The following TNS1 variants were observed in gnomAD, a reference collection of about 807,000 sequenced individuals.
TNS1 encodes the protein tensin 1.
TNS1 carries 62 observed loss-of-function variants against 168.6 expected under a neutral mutation model. That is an observed-to-expected ratio of 0.37 (90% confidence interval 0.30 to 0.45). TNS1 has a LOEUF of 0.45. TNS1 is among the 20% of genes least tolerant of loss of function. The pLI is 1.00. For synonymous variants in TNS1, 934 were observed against 933.2 expected (o/e 1.00, Z -0.02); for missense variants, 2,240 against 2,339.4 (o/e 0.96, Z 0.88).
At chr2:217,983,530 C>A (rs1298774227) in intron 2 of TNS1, among the ~76,000 whole-genome samples, 1 of 152,172 alleles carries the variant, frequency 6.6e-6, no homozygotes, top group African/African-American at 2.4e-5. Context: ...ACCCCCAGCC[C>A]TTGGCCCCAG....
chr2:217,878,882 G>C (rs1398362411), intron 18 of TNS1, among the ~76,000 whole-genome samples: 1 of 152,240 alleles, frequency 6.6e-6, no homozygotes, highest in Non-Finnish European at 1.5e-5. Context: ...CAGAGGGTTG[G>C]TGAGGGAAGG....
At position 217,801,881 on chromosome 2, in the gene TNS1, G is replaced by C. The variant is rs1392260482; in HGVS notation, c.*2578C>G. 6.6e-6 allele frequency: 1 copy of C among 152,226 alleles called. No homozygotes were observed. The highest frequency in any genetic ancestry group is 1.5e-5 in the Non-Finnish European group (1 of 68,060). 9.4% of individuals were successfully genotyped at this position (152,226 alleles called of 1,614,324 possible). On this transcript the variant is annotated 3_prime_UTR_variant, in exon 33 of 33. Coordinates refer to ENST00000682258, the MANE Select transcript of TNS1 (RefSeq NM_001387777.1). ...GCTGGGAGGGAGTTACCAGCTTTCT[G>C]GCATGAATGGGTCCTCCCGCAGGGG...
In TNS1 at chr2:217,848,647, C is replaced by T; in HGVS notation, c.1870G>A (p.Asp624Asn). The T allele has an allele frequency of 3.1e-6, 5 of 1,614,240 alleles. No homozygotes were observed. The highest frequency in any genetic ancestry group is 4.2e-6 in the Non-Finnish European group (5 of 1,180,042). ...GGALASERET[D>N]ILDDELPNQD... is the part of the protein sequence containing the mutation. Reference sequence around the variant, plus strand: ...TTTGGCAATTCATCGTCCAGGATGTCTGTCTCCCGCTCAGATGCTAACGCC... The same window carrying T: ...TTTGGCAATTCATCGTCCAGGATGTTTGTCTCCCGCTCAGATGCTAACGCC... Residue 624 changes from aspartate (D) to asparagine (N), a missense_variant, in exon 19 of 33, where the codon GAC (aspartate) becomes AAC (asparagine). Physicochemically the swap from Asp to Asn is conservative, Grantham distance 23. Around this residue, in one of 2 missense-constraint regions of TNS1, gnomAD observed 2,131 missense variants for 2,171.2 expected, o/e 0.98. Coordinates refer to ENST00000682258, the MANE Select transcript of TNS1 (RefSeq NM_001387777.1).
rs1941561578 is a variant in TNS1, at chr2:217,814,562, C to T, written c.4729+350G>A. ...CCAGCCTTCCCCTGAGAATCATTCCCCTATTCCCAACTTTGTTCTCTCTCC... is the reference window on the plus strand; with the variant it reads ...CCAGCCTTCCCCTGAGAATCATTCCTCTATTCCCAACTTTGTTCTCTCTCC... On this transcript the variant is annotated intron_variant, in intron 25 of 32. Transcript: ENST00000682258. Among the ~76,000 whole-genome samples, 3 of 152,214 alleles carry T rather than the reference C, an allele frequency of 2.0e-5. No individual in the cohort carries two copies. The South Asian group carries it at 6.2e-4, about 32-fold the overall frequency.
At chr2:217,887,279 T>A (rs989267299) in intron 12 of TNS1, among the ~76,000 whole-genome samples, 1 of 152,244 alleles carries the variant, frequency 6.6e-6, no homozygotes. Context: ...TAAGTATCTA[T>A]CTCTAGGGTC....
chr2:217,940,158 G>C (rs1956839731), intron 3 of TNS1, among the ~76,000 whole-genome samples: 1 of 152,198 alleles, frequency 6.6e-6, no homozygotes, highest in Non-Finnish European at 1.5e-5. Context: ...ATCTGGCCAG[G>C]GAGCTATTGA....
intron 27 of TNS1, 111 bp from the exon 28 acceptor site, chr2:217,812,556 C>T (rs2288163): frequency 0.047 from 38,584 of 823,080 alleles, 1,970 homozygotes; most frequent in Admixed American, 0.19. Flanking sequence ...TTTATTACCT[C>T]TACCTCAACC....
chr2:217,905,613 C>A (rs573726497), intron 6 of TNS1, among the ~76,000 whole-genome samples: 3 of 152,184 alleles, frequency 2.0e-5, no homozygotes, highest in South Asian at 4.1e-4. Flanking sequence ...CAGCCCAGGG[C>A]GGGTGAAGAC....
In TNS1 at chr2:217,829,732, G is replaced by A. The variant is rs745382519; in HGVS notation, c.3373+1723C>T. 89 of 1,249,112 alleles carry A rather than the reference G, an allele frequency of 7.1e-5. No individual in the cohort carries two copies. In the East Asian group the frequency reaches 8.4e-4, roughly 12 times the overall value. The allele number at this position is 1,249,112 out of a possible 1,614,324, so 77.4% of individuals were successfully genotyped here. A position where few individuals can be genotyped will look rare whatever the true frequency, so the allele number is the denominator to read the frequency against. On this transcript the variant is annotated intron_variant, in intron 22 of 32. Coordinates refer to ENST00000682258, the MANE Select transcript of TNS1 (RefSeq NM_001387777.1). ...GGACAGGAAGGCCATGTGCCTGGTC[G>A]CCTGAGTCCCAGTGAGGAAAGAGAG... is the stretch of plus-strand genomic sequence containing the variant.
intron 22 of TNS1, among the ~76,000 whole-genome samples, chr2:217,831,189 C>T (rs756339667): frequency 3.3e-5 from 5 of 152,154 alleles, no homozygotes; most frequent in Non-Finnish European, 5.9e-5. Context: ...GATCTCAACA[C>T]CACCAAGGAA....
Position 217,817,999 on chromosome 2 carries a change from T to C in TNS1, c.4333A>G (p.Ser1445Gly). Residue 1445 changes from serine (S) to glycine (G), a missense_variant, in exon 24 of 33, where the codon AGT becomes GGT. Coordinates refer to ENST00000682258, the MANE Select transcript of TNS1 (RefSeq NM_001387777.1). ...DRRPTLSRQS[S>G]ASGYQAPSTP... Reference sequence around the variant, plus strand: ...GAAGGAGCCTGGTAGCCAGAGGCACTGCTCTGCCGGGACAGTGTGGGTCTC... The same window carrying C: ...GAAGGAGCCTGGTAGCCAGAGGCACCGCTCTGCCGGGACAGTGTGGGTCTC... 6.3e-7 allele frequency: 1 copy of C among 1,597,672 alleles called. No homozygotes were observed. The highest frequency in any genetic ancestry group is 1.1e-5 in the South Asian group (1 of 88,988).
intron 3 of TNS1, among the ~76,000 whole-genome samples, chr2:217,963,385 C>T (rs1957546732): frequency 6.6e-6 from 1 of 152,190 alleles, no homozygotes; most frequent in Non-Finnish European, 1.5e-5. Context: ...ACAGCCATCA[C>T]AGGTCACTGG....
chr2:218,016,707 A>G (rs1958764466), intron 1 of TNS1, among the ~76,000 whole-genome samples: 1 of 151,686 alleles, frequency 6.6e-6, no homozygotes, highest in South Asian at 2.1e-4. Flanking sequence ...AAGGGAATGG[A>G]CCCCCCCAGA....
chr2:218,026,958 G>A (rs926600189), intron 1 of TNS1, among the ~76,000 whole-genome samples: 1 of 152,242 alleles, frequency 6.6e-6, no homozygotes, highest in Non-Finnish European at 1.5e-5. Context: ...ATACTGGCCT[G>A]GTGGGCTCAA....
At chr2:217,946,419 C>T (rs940421017) in intron 3 of TNS1, among the ~76,000 whole-genome samples, 4 of 152,246 alleles carry the variant, frequency 2.6e-5, no homozygotes, top group African/African-American at 9.6e-5. Flanking sequence ...ATAGTAGAGT[C>T]TCAATAAGTG....
intron 3 of TNS1, 193 bp downstream of exon 3, chr2:217,978,572 C>A (rs2126047853): frequency 7.0e-6 from 2 of 287,306 alleles, no homozygotes; most frequent in Middle Eastern, 2.2e-3. Flanking sequence ...CCCGCCCCTG[C>A]CCCCGCCCCC....
At chr2:217,820,666 G>T (rs554104874) in intron 23 of TNS1, among the ~76,000 whole-genome samples, 1 of 152,184 alleles carries the variant, frequency 6.6e-6, no homozygotes, top group African/African-American at 2.4e-5. Flanking sequence ...CACCTCCTAG[G>T]TCCTCCTCCT....
At chr2:217,872,882 A>G (rs967208681) in intron 18 of TNS1, among the ~76,000 whole-genome samples, 3 of 152,250 alleles carry the variant, frequency 2.0e-5, no homozygotes, top group African/African-American at 7.2e-5. Flanking sequence ...TAAAATACTG[A>G]TACATGTTAC....
At chr2:218,016,048 A>C (rs1382870772) in intron 1 of TNS1, among the ~76,000 whole-genome samples, 1 of 147,074 alleles carries the variant, frequency 6.8e-6, no homozygotes, top group East Asian at 2.2e-4. Flanking sequence ...AAGGAGGGCC[A>C]GGGAAAGGGG....
Sources: allele counts gnomAD v4.1 joint callset (sites outside exome capture counted in the v4.1 genomes callset), GRCh38; gene constraint gnomAD v4.1.1; regional missense constraint gnomAD v4.1.1; transcripts MANE v1.5; gene names NCBI Gene and HGNC (gene_info 2026-07-23, HGNC 2026-07-21).